The following ACO2 variants were observed in gnomAD, a reference collection of about 807,000 sequenced individuals.
The protein encoded by ACO2 is aconitase 2, also known as aconitate hydratase, mitochondrial.
In ACO2, 31 loss-of-function variants were observed where a neutral mutation model predicts 84.5. The observed-to-expected ratio is 0.37, with a 90% CI of 0.28 to 0.50. The LOEUF (loss-of-function observed/expected upper bound fraction) is 0.50. Among genes scored for constraint, ACO2 ranks in the 20% least tolerant of loss-of-function variants. The pLI is 0.97. For missense variants in ACO2, 685 were observed against 1,029.3 expected, an observed-to-expected ratio of 0.67 and a Z score of 4.58; for synonymous variants, 414 against 412.7, an observed-to-expected ratio of 1.00 and a Z score of -0.04.
intron 9 of ACO2, 108 bp from the exon 10 acceptor site, chr22:41,522,722 C>T (rs1273262181): frequency 2.3e-6 from 3 of 1,300,368 alleles, no homozygotes; most frequent in Non-Finnish European, 3.2e-6. Flanking sequence ...TCTGGCCCAG[C>T]CCAGATGGTG....
rs866637086 is a variant in ACO2, at chr22:41,526,425, C to T, written c.1925C>T (p.Pro642Leu). Residue 642 changes from proline to leucine, a missense_variant, in exon 15 of 18, where the codon CCC becomes CTC. Transcript: ENST00000216254. The part of the protein sequence containing the change: ...VRNAVTQEFG[P>L]VPDTARYYKK... ...AATGCCGTCACTCAGGAGTTTGGCC[C>T]CGTCCCTGACACTGCCCGCTACTAC... 1 of 1,613,578 alleles carries T rather than the reference C, an allele frequency of 6.2e-7. No individual in the cohort carries two copies. The highest frequency in any genetic ancestry group is 8.5e-7 in the Non-Finnish European group (1 of 1,179,776).
intron 2 of ACO2, among the ~76,000 whole-genome samples, chr22:41,505,001 C>T (rs2066382845): frequency 6.6e-6 from 1 of 151,928 alleles, no homozygotes; most frequent in South Asian, 2.1e-4. Flanking sequence ...AATCGTGAGC[C>T]ACCACACCCA....
At chr22:41,477,921 C>T (rs1601879125) in intron 1 of ACO2, among the ~76,000 whole-genome samples, 2 of 151,784 alleles carry the variant, frequency 1.3e-5, no homozygotes. Context: ...AGATATGAGC[C>T]GGGCATGGTG....
At chr22:41,469,563 T>G (rs528994449) in intron 1 of ACO2, 38 of 211,200 alleles carry the variant, frequency 1.8e-4, no homozygotes, top group African/African-American at 8.7e-4. Flanking sequence ...TAGGCCCAGT[T>G]CCTGAGGCCT....
intron 13 of ACO2, 28 bp downstream of exon 13, chr22:41,524,996 G>T (rs2066567338): frequency 6.2e-7 from 1 of 1,613,988 alleles, no homozygotes; most frequent in African/African-American, 1.3e-5. Flanking sequence ...CTGCTTGCTG[G>T]TTGCTGTGTG....
intron 4 of ACO2, chr22:41,512,356 C>A (rs1289727870): frequency 5.4e-6 from 1 of 185,160 alleles, no homozygotes. Flanking sequence ...ATTTGATGAG[C>A]CCATACTGTG....
At chr22:41,492,860 C>T (rs1345065574) in intron 1 of ACO2, among the ~76,000 whole-genome samples, 1 of 152,222 alleles carries the variant, frequency 6.6e-6, no homozygotes, top group Non-Finnish European at 1.5e-5. Context: ...GGAAGAATAT[C>T]TTGAACCTGG....
At chr22:41,481,130 C>A (rs963281963) in intron 1 of ACO2, among the ~76,000 whole-genome samples, 5 of 151,988 alleles carry the variant, frequency 3.3e-5, no homozygotes, top group Non-Finnish European at 7.4e-5. Context: ...TGCTCTTTTA[C>A]CCCCATGTTA....
intron 6 of ACO2, chr22:41,516,196 C>T: frequency 1.6e-6 from 1 of 606,584 alleles, no homozygotes; most frequent in Non-Finnish European, 2.9e-6. Context: ...TCAGCTTCTG[C>T]TGCTGGGCCC....
At position 41,522,811 on chromosome 22, in the gene ACO2, A is replaced by C; in HGVS notation, c.1139-19A>C. ...CTGTCTCCTCCTGACCCTTAACCCC[A>C]CCACCCACAATGCACCAGGTCTAAT... is the stretch of plus-strand genomic sequence containing the variant. On this transcript the variant is annotated intron_variant, in intron 9 of 17. Coordinates refer to ENST00000216254, the MANE Select transcript of ACO2 (RefSeq NM_001098.3). The C allele has an allele frequency of 6.2e-7, 1 of 1,613,546 alleles. No individual in the cohort carries two copies. The highest frequency in any genetic ancestry group is 1.1e-5 in the South Asian group (1 of 91,016).
At chr22:41,516,413 CCCTG>C (rs2066476559) in intron 6 of ACO2, among the ~76,000 whole-genome samples, 3 of 152,358 alleles carry the variant, frequency 2.0e-5, no homozygotes, top group Non-Finnish European at 2.9e-5. Flanking sequence ...GCCAGCTGCT[CCCTG>C]CCTGTCACTC....
intron 7 of ACO2, 87 bp downstream of exon 7, chr22:41,517,718 C>G: frequency 8.1e-7 from 1 of 1,239,844 alleles, no homozygotes; most frequent in Non-Finnish European, 1.2e-6. Flanking sequence ...CCCTGTAGGG[C>G]AGGGGTTCTT....
rs139263645 is a variant in ACO2, at chr22:41,485,475, C to G, written c.37-14251C>G. Reference sequence around the variant, plus strand: ...TTTTTTTTTGAGACGGAGTCTCGCTCTGTCGCCCAGTCTGGAGTGCAGTGG... The same window carrying G: ...TTTTTTTTTGAGACGGAGTCTCGCTGTGTCGCCCAGTCTGGAGTGCAGTGG... On this transcript the variant is annotated intron_variant, in intron 1 of 17. Coordinates refer to ENST00000216254, the MANE Select transcript of ACO2 (RefSeq NM_001098.3). 0.02 allele frequency among the ~76,000 whole-genome samples: 2,469 copies of G among 121,018 alleles called. 532 individuals are homozygous for G. The East Asian group carries it at 0.5, about 24-fold the overall frequency. The allele number at this position is 121,018 out of a possible 152,430, so 79.4% of individuals were successfully genotyped here. A position where few individuals can be genotyped will look rare whatever the true frequency, so the allele number is the denominator to read the frequency against.
At chr22:41,486,109 T>C (rs2038151533) in intron 1 of ACO2, among the ~76,000 whole-genome samples, 1 of 152,118 alleles carries the variant, frequency 6.6e-6, no homozygotes, top group Non-Finnish European at 1.5e-5. Context: ...GCCCCTTGTG[T>C]GTGTGTGTGT....
intron 1 of ACO2, among the ~76,000 whole-genome samples, chr22:41,484,918 A>G (rs572363387): frequency 7.7e-6 from 1 of 129,104 alleles, no homozygotes; most frequent in South Asian, 2.4e-4. Flanking sequence ...CTTGTTGCCC[A>G]GGCTGGAGTG....
chr22:41,499,939 G>A, intron 2 of ACO2, 77 bp downstream of exon 2: 2 of 1,564,166 alleles, frequency 1.3e-6, no homozygotes, highest in Non-Finnish European at 1.7e-6. Context: ...AGAAGGAGGT[G>A]TTTTGTGAAG....
At chr22:41,498,345 C>T (rs540233314) in intron 1 of ACO2, among the ~76,000 whole-genome samples, 1 of 152,226 alleles carries the variant, frequency 6.6e-6, no homozygotes, top group Admixed American at 6.5e-5. Flanking sequence ...ACAGATCCCA[C>T]CATAACAATC....
intron 1 of ACO2, among the ~76,000 whole-genome samples, chr22:41,478,355 G>C (rs1370722296): frequency 6.6e-6 from 1 of 152,028 alleles, no homozygotes; most frequent in Non-Finnish European, 1.5e-5. Flanking sequence ...TGTTGGCAAA[G>C]CTGGTCTCCA....
chr22:41,520,053 G>A (rs2066509754), intron 8 of ACO2, 118 bp from the exon 9 acceptor site: 16 of 830,318 alleles, frequency 1.9e-5, no homozygotes, highest in Non-Finnish European at 3.1e-5. Flanking sequence ...TGAGGTTTCA[G>A]TCAAGAGAAA....
Sources: gnomAD v4.1 joint callset for allele counts (sites outside exome capture counted in the v4.1 genomes callset) on GRCh38, gnomAD v4.1.1 for gene constraint, MANE v1.5 for transcripts, NCBI Gene and HGNC (gene_info 2026-07-23, HGNC 2026-07-21) for gene names.